C5orf34: variants seen among roughly 807,000 people sequenced by gnomAD.
C5orf34 encodes chromosome 5 open reading frame 34, also known as uncharacterized protein C5orf34.
C5orf34 carries 73 observed loss-of-function variants against 78.4 expected under a neutral mutation model. The ratio of observed to expected loss-of-function variants is 0.93; its 90% CI spans 0.77 to 1.13. The LOEUF (loss-of-function observed/expected upper bound fraction) is 1.13. Among genes scored for constraint, C5orf34 ranks in the 50% most tolerant of loss-of-function variants. The pLI, the probability that C5orf34 is intolerant of heterozygous loss-of-function variation, is 0.00. For missense variants in C5orf34, 730 were observed against 732.7 expected, an observed-to-expected ratio of 1.00 and a Z score of 0.04; for synonymous variants, 251 against 246.6, an observed-to-expected ratio of 1.02 and a Z score of -0.17.
At chr5:43,494,958 T>C in intron 6 of C5orf34, 3 of 855,860 alleles carry the variant, frequency 3.5e-6, no homozygotes, top group Non-Finnish European at 5.6e-6. Flanking sequence ...CGATGCATTG[T>C]TATCATTAAC....
intron 1 of C5orf34, among the ~76,000 whole-genome samples, chr5:43,512,415 C>A (rs1746307355): frequency 1.3e-5 from 2 of 152,234 alleles, no homozygotes; most frequent in Admixed American, 1.3e-4. Context: ...TCCTATCAGT[C>A]TTCAATTCAC....
At chr5:43,496,576 T>C (rs1358244712) in intron 6 of C5orf34, 1 of 652,388 alleles carries the variant, frequency 1.5e-6, no homozygotes, top group Admixed American at 5.2e-5. Context: ...TCAAAAGTTT[T>C]TTTTAATTTT....
intron 6 of C5orf34, among the ~76,000 whole-genome samples, chr5:43,500,795 T>TG (rs1745724923): frequency 6.6e-6 from 1 of 152,244 alleles, no homozygotes. Context: ...AAGGCCTCCT[T>TG]TACCCAGAGA....
chr5:43,487,589 T>C (rs539800989), intron 12 of C5orf34, among the ~76,000 whole-genome samples: 3 of 152,056 alleles, frequency 2.0e-5, no homozygotes, highest in Non-Finnish European at 2.9e-5. Flanking sequence ...GAATGAAATA[T>C]TTCATTTAAA....
intron 6 of C5orf34, among the ~76,000 whole-genome samples, chr5:43,499,779 T>C (rs1745682634): frequency 2.0e-5 from 3 of 152,206 alleles, no homozygotes. Flanking sequence ...CCAGAATCTA[T>C]TACTGTATGC....
chr5:43,500,969 T>A (rs1312349442), intron 6 of C5orf34, among the ~76,000 whole-genome samples: 2 of 152,222 alleles, frequency 1.3e-5, no homozygotes, highest in African/African-American at 4.8e-5. Context: ...ACCTTTGCAC[T>A]AAAACAGACA....
intron 3 of C5orf34, among the ~76,000 whole-genome samples, chr5:43,507,354 A>AC (rs1205674625): frequency 7.9e-5 from 12 of 152,240 alleles, no homozygotes; most frequent in Admixed American, 5.2e-4. Flanking sequence ...TCCTAAATTT[A>AC]CCATGCTATC....
rs760211141 is a variant in C5orf34, at chr5:43,505,750, G to C, written c.930C>G (p.His310Gln). The change falls in exon 4 of 13, where the codon CAC becomes CAG. Residue 310 changes from histidine (H) to glutamine (Q), a missense_variant and splice_region_variant. Physicochemically the swap from His to Gln is conservative, Grantham distance 24 (BLOSUM62 0). Transcript: ENST00000306862. ...LSLSCPVPHL[H>Q]RWNFCDSLLQ... ...ACCAATAGCCATTACTGCATTACCT[G>C]TGTAGGTGTGGGACTGGACAGCTGA... is the stretch of plus-strand genomic sequence containing the variant. 2.6e-6 allele frequency: 4 copies of C among 1,561,082 alleles called. No homozygotes were observed. The highest frequency in any genetic ancestry group is 2.6e-6 in the Non-Finnish European group (3 of 1,154,374).
At chr5:43,490,554 C>T (rs1242685783) in intron 11 of C5orf34, 77 bp downstream of exon 11, 6 of 916,272 alleles carry the variant, frequency 6.5e-6, no homozygotes, top group Admixed American at 2.2e-5. Flanking sequence ...AAAAAAGTCT[C>T]AGTTTACCAT....
At chr5:43,513,776 C>T (rs1412158902) in intron 1 of C5orf34, among the ~76,000 whole-genome samples, 1 of 152,218 alleles carries the variant, frequency 6.6e-6, no homozygotes, top group Non-Finnish European at 1.5e-5. Context: ...GTAACTCCTA[C>T]AAGGGCCCAA....
intron 10 of C5orf34, among the ~76,000 whole-genome samples, chr5:43,491,404 G>C (rs1412289959): frequency 6.6e-6 from 1 of 152,068 alleles, no homozygotes; most frequent in Non-Finnish European, 1.5e-5. Context: ...ATATTCTCAA[G>C]TGAAATCACT....
At position 43,492,839 on chromosome 5, in the gene C5orf34, G is replaced by C. The variant is rs141842516; in HGVS notation, c.1366C>G (p.Leu456Val). The C allele has an allele frequency of 1.9e-6, 3 of 1,611,666 alleles. No homozygotes were observed. The highest frequency in any genetic ancestry group is 2.7e-5 in the African/African-American group (2 of 74,972). ...NILPLVLKES[L>V]IPSVGRFLAY... ...AGAAATCTTCCCACACTGGGTATGA[G>C]TGACTCTTTCAAAACCAAAGGCAGT... Residue 456 changes from leucine to valine, a missense_variant, in exon 9 of 13, where the codon CTC (leucine) becomes GTC (valine). Coordinates refer to ENST00000306862, the MANE Select transcript of C5orf34 (RefSeq NM_198566.4).
chr5:43,487,479 G>C (rs1262191210), intron 12 of C5orf34, among the ~76,000 whole-genome samples: 1 of 152,110 alleles, frequency 6.6e-6, no homozygotes, highest in East Asian at 1.9e-4. Flanking sequence ...AAAAGATTTA[G>C]AGTGAAAAAC....
intron 5 of C5orf34, among the ~76,000 whole-genome samples, 170 bp downstream of exon 5, chr5:43,503,495 A>G (rs1745848354): frequency 6.6e-6 from 1 of 152,200 alleles, no homozygotes; most frequent in African/African-American, 2.4e-5. Context: ...GTGTGCACTA[A>G]TAACATTAGT....
Position 43,488,013 on chromosome 5 carries a change from A to G in C5orf34, c.1680-64T>C, listed in dbSNP as rs150127661. On this transcript the variant is annotated intron_variant, in intron 11 of 12. Transcript: ENST00000306862. ...ATTCTTTTGTATTCATGATATTTCA[A>G]ATAAGCATACCTGACTTTTTTTTTC... is the stretch of plus-strand genomic sequence containing the variant. 2.7e-4 allele frequency: 351 copies of G among 1,319,344 alleles called. 1 individual carries two copies. The African/African-American group carries it at 4.8e-3, about 18-fold the overall frequency. The allele number at this position is 1,319,344 out of a possible 1,614,324, so 81.7% of individuals were successfully genotyped here.
intron 1 of C5orf34, among the ~76,000 whole-genome samples, chr5:43,512,526 C>T (rs1402504302): frequency 6.6e-6 from 1 of 152,160 alleles, no homozygotes; most frequent in Non-Finnish European, 1.5e-5. Flanking sequence ...CCTACTAAAC[C>T]TCATCAACGT....
At chr5:43,509,439 A>G (rs905626253) in intron 1 of C5orf34, 64 bp from the exon 2 acceptor site, 1 of 900,844 alleles carries the variant, frequency 1.1e-6, no homozygotes, top group South Asian at 2.1e-5. Flanking sequence ...TTTTATCAAA[A>G]TAAGTGCGTG....
At chr5:43,514,337 A>G (rs1198374665) in intron 1 of C5orf34, 1 of 152,260 alleles carries the variant, frequency 6.6e-6, no homozygotes, top group Non-Finnish European at 1.5e-5. Flanking sequence ...TCAAATGGCA[A>G]TATAGATTAC....
Position 43,506,003 on chromosome 5 carries a change from G to A in C5orf34, c.677C>T (p.Ser226Leu), listed in dbSNP as rs144939704. Residue 226 changes from serine to leucine, a missense_variant, in exon 4 of 13, where the codon TCG becomes TTG. Transcript: ENST00000306862. ...NGTEGREELP[S>L]PGTKHTCVYT... ...TACACATGTGTGCTTTGTACCAGGC[G>A]AAGGCAGCTCTTCCCTCCCTTCAGT... is the stretch of plus-strand genomic sequence containing the variant. 27 of 1,613,988 alleles carry A rather than the reference G, an allele frequency of 1.7e-5. No individual in the cohort carries two copies. Among genetic ancestry groups the A allele is most frequent in the East Asian group, 6.7e-5 (3 of 44,900 alleles).
Sources: allele counts gnomAD v4.1 joint callset (sites outside exome capture counted in the v4.1 genomes callset), GRCh38; gene constraint gnomAD v4.1.1; transcripts MANE v1.5; gene names NCBI Gene and HGNC (gene_info 2026-07-23, HGNC 2026-07-21).